The following IFT25 variants were observed in gnomAD, a reference collection of about 807,000 sequenced individuals.
IFT25 encodes the protein intraflagellar transport 25, also known as intraflagellar transport protein 25 homolog.
chr1:53,914,313 A>G, the IFT25 span, among the ~76,000 whole-genome samples: 1 of 152,170 alleles, frequency 6.6e-6, no homozygotes, highest in African/African-American at 2.4e-5. Flanking sequence ...TGGGCGTCCC[A>G]TTTTGATGTT....
chr1:53,929,555 C>T, the IFT25 span: 17 of 152,530 alleles, frequency 1.1e-4, no homozygotes, highest in African/African-American at 4.1e-4. Context: ...GGGAGATTAT[C>T]CCCCTAAATT....
chr1:53,924,017 T>C, the IFT25 span: 2 of 955,646 alleles, frequency 2.1e-6, no homozygotes, highest in Admixed American at 1.9e-5. Flanking sequence ...TTGAAATTTA[T>C]GTTCAGCAAA....
At chr1:53,923,140 G>A in the IFT25 span, among the ~76,000 whole-genome samples, 1 of 152,176 alleles carries the variant, frequency 6.6e-6, no homozygotes, top group East Asian at 1.9e-4. Flanking sequence ...TGGTGGGAGA[G>A]AAAGGAACTA....
the IFT25 span, chr1:53,923,677 A>G: frequency 2.5e-6 from 1 of 394,766 alleles, no homozygotes; most frequent in Non-Finnish European, 4.5e-6. Context: ...AACAAAAAAT[A>G]AATGAATTGT....
the IFT25 span, chr1:53,945,888 GCGC>G: frequency 1.4e-5 from 1 of 69,738 alleles, no homozygotes; most frequent in Non-Finnish European, 2.4e-5. Flanking sequence ...GTTCCCGGGC[GCGC>G]TCGCTCCACC....
the IFT25 span, among the ~76,000 whole-genome samples, chr1:53,914,728 G>A: frequency 1.3e-5 from 2 of 152,118 alleles, no homozygotes; most frequent in Non-Finnish European, 2.9e-5. Context: ...CTCCCAGAAG[G>A]CTATCAGGGT....
chr1:53,920,833 A>T, the IFT25 span, among the ~76,000 whole-genome samples: 1 of 151,998 alleles, frequency 6.6e-6, no homozygotes, highest in South Asian at 2.1e-4. Flanking sequence ...ACAAAAAGTA[A>T]GATTATGTGT....
chr1:53,913,509 T>TG, the IFT25 span, among the ~76,000 whole-genome samples: 2 of 152,202 alleles, frequency 1.3e-5, no homozygotes, highest in African/African-American at 4.8e-5. Flanking sequence ...AGGAGTCAGG[T>TG]GGCGCAATCT....
chr1:53,943,690 C>T, the IFT25 span, among the ~76,000 whole-genome samples: 1 of 151,956 alleles, frequency 6.6e-6, no homozygotes, highest in Non-Finnish European at 1.5e-5. Flanking sequence ...ATGACTCGAT[C>T]TCGGCTAACT....
chr1:53,934,507 G>A, the IFT25 span, among the ~76,000 whole-genome samples: 1 of 152,074 alleles, frequency 6.6e-6, no homozygotes, highest in South Asian at 2.1e-4. Flanking sequence ...GGCTTGCTGA[G>A]TTTTTTGGGT....
At chr1:53,925,793 AT>A in the IFT25 span, among the ~76,000 whole-genome samples, 22 of 150,020 alleles carry the variant, frequency 1.5e-4, no homozygotes, top group South Asian at 4.2e-4. Context: ...GGATTTATCA[AT>A]TTTTTTTTTC....
chr1:53,931,603 G>A, the IFT25 span, among the ~76,000 whole-genome samples: 309 of 152,242 alleles, frequency 2.0e-3, no homozygotes, highest in Non-Finnish European at 3.6e-3. Flanking sequence ...TTTATAGGTC[G>A]AGCTTTACAA....
the IFT25 span, among the ~76,000 whole-genome samples, chr1:53,940,756 CTGGAGTGCAG>C: frequency 5.3e-5 from 8 of 152,142 alleles, no homozygotes; most frequent in Non-Finnish European, 1.5e-5. Context: ...GACACCAAGG[CTGGAGTGCAG>C]TGGAGCAATC....
the IFT25 span, among the ~76,000 whole-genome samples, chr1:53,936,935 T>C: frequency 6.6e-6 from 1 of 152,130 alleles, no homozygotes; most frequent in Non-Finnish European, 1.5e-5. Context: ...CCTCAAGCTA[T>C]CCTCCTGCCT....
chr1:53,945,133 T>G, the IFT25 span, among the ~76,000 whole-genome samples: 3 of 152,104 alleles, frequency 2.0e-5, no homozygotes, highest in Non-Finnish European at 4.4e-5. Context: ...CCTCCTCAGT[T>G]CAAGGCCCTA....
the IFT25 span, among the ~76,000 whole-genome samples, chr1:53,918,411 T>C: frequency 1.3e-5 from 2 of 152,160 alleles, no homozygotes; most frequent in East Asian, 1.9e-4. Context: ...AGAACATTGT[T>C]GGTCAATTAC....
chr1:53,914,820 A>C, the IFT25 span, among the ~76,000 whole-genome samples: 1 of 152,216 alleles, frequency 6.6e-6, no homozygotes, highest in African/African-American at 2.4e-5. Flanking sequence ...CCCTGCAGAG[A>C]GGCATTCCTG....
the IFT25 span, among the ~76,000 whole-genome samples, chr1:53,939,245 G>T: frequency 6.6e-6 from 1 of 151,706 alleles, no homozygotes; most frequent in South Asian, 2.1e-4. Flanking sequence ...ACAAAAATTA[G>T]CCAGGTGTGG....
the IFT25 span, chr1:53,939,959 A>G: frequency 7.5e-7 from 1 of 1,339,622 alleles, no homozygotes; most frequent in South Asian, 1.2e-5. Flanking sequence ...TTAAGACTGT[A>G]AACAACAAAG....
Sources: allele counts gnomAD v4.1 joint callset (sites outside exome capture counted in the v4.1 genomes callset), GRCh38; gene constraint gnomAD v4.1.1; transcripts MANE v1.5; gene names NCBI Gene and HGNC (gene_info 2026-07-23, HGNC 2026-07-21).